HECW1: variants seen among roughly 807,000 people sequenced by gnomAD.
The protein encoded by HECW1 is E3 ubiquitin-protein ligase HECW1.
Under a neutral mutation model 182.3 loss-of-function variants are expected in HECW1, and 61 were observed. That is an observed-to-expected ratio of 0.33 (90% CI 0.27 to 0.41). The LOEUF is 0.41. HECW1 is among the 10% of genes least tolerant of loss of function. The pLI is 1.00. For missense variants in HECW1, 1,739 were observed against 2,108.9 expected (o/e 0.82, Z 3.44); for synonymous variants, 859 against 832.6 (o/e 1.03, Z -0.55).
chr7:43,422,906 G>A (rs1023608783), intron 8 of HECW1, among the ~76,000 whole-genome samples: 1 of 149,482 alleles, frequency 6.7e-6, no homozygotes, highest in African/African-American at 2.5e-5. Context: ...TCGTCACCTG[G>A]AGATAAATCG....
chr7:43,216,517 CACT>C (rs1796455956), intron 2 of HECW1, among the ~76,000 whole-genome samples: 1 of 152,144 alleles, frequency 6.6e-6, no homozygotes, highest in African/African-American at 2.4e-5. Context: ...CCATCAGCAC[CACT>C]GAGTTTTTCT....
At chr7:43,328,146 C>T (rs955800674) in intron 5 of HECW1, among the ~76,000 whole-genome samples, 1 of 151,666 alleles carries the variant, frequency 6.6e-6, no homozygotes, top group East Asian at 1.9e-4. Flanking sequence ...AGTGAGACCT[C>T]CATCTCTACA....
intron 6 of HECW1, among the ~76,000 whole-genome samples, chr7:43,377,180 A>T (rs73328022): frequency 0.036 from 5,455 of 152,198 alleles, 351 homozygotes; most frequent in African/African-American, 0.12. Context: ...AAGGCAGCCC[A>T]GGCCCATCTC....
At chr7:43,282,124 G>A (rs968196665) in intron 3 of HECW1, among the ~76,000 whole-genome samples, 15 of 152,238 alleles carry the variant, frequency 9.9e-5, no homozygotes, top group African/African-American at 3.4e-4. Flanking sequence ...TACAGCAGGA[G>A]CAATGTCTTG....
intron 2 of HECW1, among the ~76,000 whole-genome samples, chr7:43,212,896 G>T (rs1308864349): frequency 6.6e-6 from 1 of 152,160 alleles, no homozygotes; most frequent in Admixed American, 6.5e-5. Flanking sequence ...GACTGGCTTT[G>T]CCATTTATAT....
chr7:43,200,494 G>A (rs1794929923), intron 2 of HECW1, among the ~76,000 whole-genome samples: 1 of 152,182 alleles, frequency 6.6e-6, no homozygotes, highest in South Asian at 2.1e-4. Context: ...TCTCTGTTGG[G>A]TAACCCTACC....
chr7:43,163,356 C>T (rs1455412607), intron 2 of HECW1, among the ~76,000 whole-genome samples: 1 of 152,218 alleles, frequency 6.6e-6, no homozygotes, highest in Non-Finnish European at 1.5e-5. Flanking sequence ...CATGCACACA[C>T]ACATACACAC....
Position 43,445,492 on chromosome 7 carries a change from G to A in HECW1, c.2320G>A (p.Ala774Thr), listed in dbSNP as rs2077024540. Reference protein sequence around the residue: ...NGAGPWQDELAAPSGHVERSP... With the variant: ...NGAGPWQDELTAPSGHVERSP... ...CGCTGGGCCGTGGCAAGACGAGCTG[G>A]CCGCCCCTAGCGGGCACGTGGAAAG... Residue 774 changes from alanine (A) to threonine (T), a missense_variant, in exon 11 of 30, where the codon GCC becomes ACC. Ala to Thr is a moderately conservative substitution (Grantham distance 58, BLOSUM62 0). This residue lies in a region of HECW1 where 971 missense variants were observed against 1,029.1 expected (regional missense o/e 0.94). Coordinates refer to ENST00000395891, the MANE Select transcript of HECW1 (RefSeq NM_015052.5). 10 of 1,611,868 alleles carry A rather than the reference G, an allele frequency of 6.2e-6. No homozygotes were observed. The highest frequency in any genetic ancestry group is 2.7e-5 in the African/African-American group (2 of 74,932).
chr7:43,125,706 C>T (rs1193341235), intron 2 of HECW1, among the ~76,000 whole-genome samples: 1 of 136,202 alleles, frequency 7.3e-6, no homozygotes, highest in East Asian at 2.2e-4. Context: ...TGCAGTGAGC[C>T]GAGATCGTGC....
intron 26 of HECW1, among the ~76,000 whole-genome samples, chr7:43,545,810 G>A (rs1359849274): frequency 2.1e-5 from 3 of 146,154 alleles, no homozygotes; most frequent in East Asian, 4.0e-4. Context: ...GTTTGGTCTT[G>A]TTGTCTCGGG....
intron 2 of HECW1, among the ~76,000 whole-genome samples, chr7:43,146,484 T>C (rs1429903669): frequency 1.3e-5 from 2 of 152,162 alleles, no homozygotes; most frequent in Non-Finnish European, 2.9e-5. Flanking sequence ...TATTTTGAAT[T>C]AATAATAAGG....
intron 2 of HECW1, among the ~76,000 whole-genome samples, chr7:43,139,763 C>T (rs1317628637): frequency 6.6e-6 from 1 of 152,020 alleles, no homozygotes; most frequent in Non-Finnish European, 1.5e-5. Flanking sequence ...TTTCGTTTCT[C>T]TTAATTGCTT....
chr7:43,455,525 G>C (rs2077372036), intron 12 of HECW1, among the ~76,000 whole-genome samples: 2 of 152,154 alleles, frequency 1.3e-5, no homozygotes, highest in Admixed American at 6.5e-5. Flanking sequence ...AGCAAAGAAA[G>C]CATTCTCCAG....
Position 43,271,185 on chromosome 7 carries a change from G to C in HECW1, c.27+27253G>C, listed in dbSNP as rs190526017. Among the ~76,000 whole-genome samples the C allele has an allele frequency of 2.6e-5, 4 of 152,182 alleles. No individual in the cohort carries two copies. The East Asian group carries it at 7.7e-4, about 29-fold the overall frequency. Reference sequence around the variant, plus strand: ...TGGAAAACTTAACCAAGAAACTTTGGGGAAAGAAGTGTGGATGTATGTACA... The same window carrying C: ...TGGAAAACTTAACCAAGAAACTTTGCGGAAAGAAGTGTGGATGTATGTACA... On this transcript the variant is annotated intron_variant, in intron 3 of 29. Transcript: ENST00000395891.
At chr7:43,483,573 G>C (rs920218155) in intron 17 of HECW1, among the ~76,000 whole-genome samples, 3 of 107,288 alleles carry the variant, frequency 2.8e-5, no homozygotes, top group Non-Finnish European at 4.2e-5. Context: ...TTTTGAGCTA[G>C]AGTCTCGCTC....
chr7:43,224,721 G>A (rs1388880129), intron 2 of HECW1, among the ~76,000 whole-genome samples: 3 of 152,200 alleles, frequency 2.0e-5, no homozygotes, highest in Non-Finnish European at 2.9e-5. Context: ...AAGCTGAAGT[G>A]AGAGGATCAC....
chr7:43,235,961 G>T (rs1798296082), intron 2 of HECW1, among the ~76,000 whole-genome samples: 1 of 152,144 alleles, frequency 6.6e-6, no homozygotes, highest in Admixed American at 6.5e-5. Context: ...TGCCAAGAGG[G>T]GAGGATCACT....
chr7:43,395,156 A>G (rs969333310), intron 6 of HECW1, among the ~76,000 whole-genome samples: 4 of 152,208 alleles, frequency 2.6e-5, no homozygotes, highest in African/African-American at 9.6e-5. Flanking sequence ...CTCCAGCTGC[A>G]TGACTCCTAA....
At chr7:43,391,856 A>G (rs1447776829) in intron 6 of HECW1, among the ~76,000 whole-genome samples, 3 of 152,216 alleles carry the variant, frequency 2.0e-5, no homozygotes, top group African/African-American at 7.2e-5. Context: ...GGAGGTGGAA[A>G]AGGAACTTGG....
Sources: gnomAD v4.1 joint callset for allele counts (sites outside exome capture counted in the v4.1 genomes callset) on GRCh38, gnomAD v4.1.1 for gene constraint, gnomAD v4.1.1 regional missense constraint, MANE v1.5 for transcripts, NCBI Gene and HGNC (gene_info 2026-07-23, HGNC 2026-07-21) for gene names.